SASH1: variants seen among roughly 807,000 people sequenced by gnomAD.
The protein encoded by SASH1 is SAM and SH3 domain containing 1.
SASH1 carries 44 observed loss-of-function variants against 125.2 expected under a neutral mutation model. That is an observed-to-expected ratio of 0.35 (90% confidence interval 0.28 to 0.45). The LOEUF (loss-of-function observed/expected upper bound fraction) is 0.45, where lower values mean the gene tolerates loss of function less well. Ranked by LOEUF, SASH1 falls within the 20% of genes least tolerant of loss-of-function variation. SASH1 has a pLI of 1.00. For missense variants in SASH1, 1,426 were observed against 1,614.5 expected (o/e 0.88, Z 2.00); for synonymous variants, 639 against 649.1 (o/e 0.98, Z 0.24).
At chr6:148,534,725 T>TTCTG (rs1562492708) in intron 15 of SASH1, 26 bp from the exon 16 acceptor site, 1 of 1,613,898 alleles carries the variant, frequency 6.2e-7, no homozygotes, top group Admixed American at 1.7e-5. Flanking sequence ...GCTGACACCC[T>TTCTG]TCTGTCTTCC....
At chr6:148,232,038 A>G in the SASH1 span, among the ~76,000 whole-genome samples, 1 of 151,986 alleles carries the variant, frequency 6.6e-6, no homozygotes, top group South Asian at 2.1e-4. Context: ...TTAAAAAGTG[A>G]CAAAGCTTGT....
At position 148,540,526 on chromosome 6, in the gene SASH1, T is replaced by C; in HGVS notation, c.2179T>C (p.Cys727Arg). 3.7e-6 allele frequency: 6 copies of C among 1,613,668 alleles called. No homozygotes were observed. The highest frequency in any genetic ancestry group is 3.4e-6 in the Non-Finnish European group (4 of 1,179,840). The change falls in exon 17 of 20, where the codon TGC (cysteine) becomes CGC (arginine). Residue 727 changes from cysteine (C) to arginine (R), a missense_variant. Cys to Arg is a radical substitution (Grantham distance 180). Around this residue, in one of 3 missense-constraint regions of SASH1, gnomAD observed 634 missense variants for 694.4 expected, o/e 0.91. Transcript: ENST00000367467. ...LSGCSPRDSGCYESSENLENG... is the reference protein window; with the variant it reads ...LSGCSPRDSGRYESSENLENG... ...TGGATGCTCACCCCGAGACTCAGGATGCTACGAAAGCAGTGAGAACCTGGA... is the reference window on the plus strand; with the variant it reads ...TGGATGCTCACCCCGAGACTCAGGACGCTACGAAAGCAGTGAGAACCTGGA...
upstream of SASH1, among the ~76,000 whole-genome samples, chr6:148,340,224 C>A (rs1375728695): frequency 2.0e-5 from 3 of 152,114 alleles, no homozygotes; most frequent in African/African-American, 7.2e-5. Flanking sequence ...GTGGCTCATG[C>A]CTGTAATCCC....
At chr6:148,540,259 T>C (rs1260516453) in intron 16 of SASH1, among the ~76,000 whole-genome samples, 184 bp from the exon 17 acceptor site, 2 of 152,250 alleles carry the variant, frequency 1.3e-5, no homozygotes, top group Non-Finnish European at 1.5e-5. Flanking sequence ...CTTCGTGCGA[T>C]GAATACCTTA....
chr6:148,213,912 C>T, the SASH1 span, among the ~76,000 whole-genome samples: 1,370 of 152,292 alleles, frequency 9.0e-3, 15 homozygotes, highest in Non-Finnish European at 0.015. Context: ...CCATTATTTT[C>T]TAAAACTAAA....
upstream of SASH1, among the ~76,000 whole-genome samples, chr6:148,271,570 C>T (rs1779062519): frequency 6.6e-6 from 1 of 151,938 alleles, no homozygotes; most frequent in South Asian, 2.1e-4. Context: ...TTCTATGTTT[C>T]CTTTAGATGT....
chr6:148,343,402 A>G (rs1781409632), intron 1 of SASH1, among the ~76,000 whole-genome samples, 179 bp downstream of exon 1: 1 of 152,224 alleles, frequency 6.6e-6, no homozygotes, highest in South Asian at 2.1e-4. Context: ...CTAATTAAAA[A>G]ATAACCAGCC....
intron 7 of SASH1, among the ~76,000 whole-genome samples, chr6:148,483,683 A>G (rs915116785): frequency 6.6e-6 from 1 of 152,168 alleles, no homozygotes; most frequent in Non-Finnish European, 1.5e-5. Flanking sequence ...GCAGCCATCT[A>G]GATATCTTTG....
At chr6:148,321,163 A>T (rs7738688) in intron 1 of SASH1, among the ~76,000 whole-genome samples, 86,308 of 152,020 alleles carry the variant, frequency 0.57, 24,832 homozygotes, top group Middle Eastern at 0.76. Flanking sequence ...AGGCCAAGGC[A>T]GGCAGATCAC....
At chr6:148,318,962 TATC>T (rs753603423) in intron 1 of SASH1, among the ~76,000 whole-genome samples, 28 of 151,418 alleles carry the variant, frequency 1.8e-4, no homozygotes, top group Admixed American at 3.3e-4. Context: ...CAAGACATCA[TATC>T]ATCATTTATT....
intron 1 of SASH1, among the ~76,000 whole-genome samples, chr6:148,326,859 G>A (rs548614156): frequency 3.3e-5 from 5 of 152,116 alleles, no homozygotes; most frequent in African/African-American, 4.8e-5. Flanking sequence ...TCCGCCCTCC[G>A]AGCTTGGCAT....
At chr6:148,253,653 A>G in the SASH1 span, among the ~76,000 whole-genome samples, 5 of 152,144 alleles carry the variant, frequency 3.3e-5, no homozygotes, top group African/African-American at 1.2e-4. Flanking sequence ...AGGGTGGATC[A>G]CAAGATCAGG....
At chr6:148,466,880 C>CA (rs1777860317) in intron 4 of SASH1, among the ~76,000 whole-genome samples, 1 of 151,956 alleles carries the variant, frequency 6.6e-6, no homozygotes, top group African/African-American at 2.4e-5. Context: ...CCTTCAGATG[C>CA]AAAAATCACC....
At chr6:148,387,867 T>C (rs972693858) in intron 1 of SASH1, among the ~76,000 whole-genome samples, 13 of 149,390 alleles carry the variant, frequency 8.7e-5, no homozygotes, top group Non-Finnish European at 1.3e-4. Flanking sequence ...GCCTCCTGAG[T>C]AGCTGGGATT....
intron 8 of SASH1, among the ~76,000 whole-genome samples, chr6:148,492,223 A>G (rs772077652): frequency 3.0e-4 from 45 of 152,362 alleles, no homozygotes; most frequent in Admixed American, 9.1e-4. Flanking sequence ...AAAAGTTAAT[A>G]TAAGTATTAT....
the SASH1 span, among the ~76,000 whole-genome samples, chr6:148,214,344 A>G: frequency 1.3e-5 from 2 of 152,258 alleles, no homozygotes; most frequent in African/African-American, 4.8e-5. Context: ...TGATACATGC[A>G]GTTGAGTGAA....
chr6:148,199,489 G>T, the SASH1 span, among the ~76,000 whole-genome samples: 1 of 152,134 alleles, frequency 6.6e-6, no homozygotes, highest in Non-Finnish European at 1.5e-5. Flanking sequence ...ATTGGGGCCA[G>T]GAGTTTGAAA....
intron 1 of SASH1, among the ~76,000 whole-genome samples, chr6:148,300,808 ATT>A (rs1779920648): frequency 6.6e-6 from 1 of 152,096 alleles, no homozygotes; most frequent in South Asian, 2.1e-4. Context: ...TGTTCCTTTC[ATT>A]TAGACCAAGG....
At chr6:148,218,412 G>A in the SASH1 span, among the ~76,000 whole-genome samples, 1 of 152,198 alleles carries the variant, frequency 6.6e-6, no homozygotes, top group Non-Finnish European at 1.5e-5. Flanking sequence ...TTACGCTTCA[G>A]TAAGGGGAAC....
Sources: gnomAD v4.1 joint callset for allele counts (sites outside exome capture counted in the v4.1 genomes callset) on GRCh38, gnomAD v4.1.1 for gene constraint, gnomAD v4.1.1 regional missense constraint, MANE v1.5 for transcripts, NCBI Gene and HGNC (gene_info 2026-07-23, HGNC 2026-07-21) for gene names.